NMNAT2: variants seen among roughly 807,000 people sequenced by gnomAD.
NMNAT2 encodes nicotinamide nucleotide adenylyltransferase 2, also known as nicotinamide/nicotinic acid mononucleotide adenylyltransferase 2.
NMNAT2 carries 11 observed loss-of-function variants against 41.6 expected under a neutral mutation model. That is an observed-to-expected ratio of 0.26 (90% CI 0.17 to 0.44). The LOEUF is 0.44. Ranked by LOEUF, NMNAT2 falls within the 20% of genes least tolerant of loss-of-function variation. The probability of loss-of-function intolerance (pLI) is 1.00; values close to 1 mark genes in which losing one functional copy is unlikely to be tolerated. For missense variants in NMNAT2, 288 were observed against 407.7 expected (o/e 0.71, Z 2.53); for synonymous variants, 148 against 151.2 (o/e 0.98, Z 0.16).
chr1:183,323,327 C>T (rs757355443), intron 1 of NMNAT2, among the ~76,000 whole-genome samples: 1 of 152,158 alleles, frequency 6.6e-6, no homozygotes, highest in Non-Finnish European at 1.5e-5. Context: ...CTGCTGAAGC[C>T]AGAAGCCAGG....
intron 1 of NMNAT2, among the ~76,000 whole-genome samples, chr1:183,371,848 T>G (rs1039610635): frequency 1.3e-5 from 2 of 152,140 alleles, no homozygotes; most frequent in Non-Finnish European, 2.9e-5. Flanking sequence ...GTTGCAATCA[T>G]GGCTCACTGC....
At chr1:183,303,201 C>A (rs1661908825) in intron 1 of NMNAT2, among the ~76,000 whole-genome samples, 1 of 152,144 alleles carries the variant, frequency 6.6e-6, no homozygotes, top group Non-Finnish European at 1.5e-5. Context: ...CACCCTCCCC[C>A]ACACAGCCTG....
intron 1 of NMNAT2, among the ~76,000 whole-genome samples, chr1:183,334,054 T>C (rs1469787848): frequency 6.6e-6 from 1 of 152,238 alleles, no homozygotes; most frequent in East Asian, 1.9e-4. Flanking sequence ...ATGTGCACGA[T>C]GCCTCTTCCT....
At chr1:183,277,122 C>T (rs1194600536) in intron 8 of NMNAT2, among the ~76,000 whole-genome samples, 1 of 152,146 alleles carries the variant, frequency 6.6e-6, no homozygotes, top group Non-Finnish European at 1.5e-5. Flanking sequence ...TTTAAGCCTT[C>T]CAAACCCATG....
rs113006665 is a variant in NMNAT2 at position 183,278,763 on chromosome 1, C to T, written c.575-134G>A. The T allele has an allele frequency of 2.3e-3, 1,528 of 676,476 alleles. 20 individuals carry two copies. In the African/African-American group the frequency reaches 0.024, roughly 11 times the overall value. 41.9% of individuals were successfully genotyped at this position (676,476 alleles called of 1,614,324 possible). On this transcript the variant is annotated intron_variant, in intron 7 of 10. Transcript: ENST00000287713. ...TGTGGGGCCCAGTTATCCCAGGTGC[C>T]TCTGCCCCTGAGTGTGTGCAGAGCA...
At chr1:183,397,494 A>G (rs1648681982) in intron 1 of NMNAT2, among the ~76,000 whole-genome samples, 1 of 152,212 alleles carries the variant, frequency 6.6e-6, no homozygotes, top group South Asian at 2.1e-4. Context: ...ACTCTGCAGG[A>G]TATTATCCAG....
chr1:183,338,858 G>C (rs1378633502), intron 1 of NMNAT2, among the ~76,000 whole-genome samples: 1 of 152,172 alleles, frequency 6.6e-6, no homozygotes, highest in Non-Finnish European at 1.5e-5. Context: ...AAACTGTCCT[G>C]TGTCAGGTAA....
chr1:183,348,535 T>C (rs1662980572), intron 1 of NMNAT2, among the ~76,000 whole-genome samples: 1 of 152,108 alleles, frequency 6.6e-6, no homozygotes, highest in South Asian at 2.1e-4. Flanking sequence ...GAGAAGGAGA[T>C]TGGGGGTGTG....
chr1:183,374,385 G>A (rs950123333), intron 1 of NMNAT2, among the ~76,000 whole-genome samples: 17 of 152,132 alleles, frequency 1.1e-4, no homozygotes, highest in Admixed American at 2.0e-4. Context: ...CTTCTACCCC[G>A]TCAAGAAGAG....
intron 7 of NMNAT2, chr1:183,282,898 A>G (rs572135270): frequency 2.0e-5 from 3 of 152,276 alleles, no homozygotes; most frequent in African/African-American, 7.2e-5. Flanking sequence ...TTTTTAATTA[A>G]ATTTAATTTT....
chr1:183,289,707 C>A (rs1661488774), intron 4 of NMNAT2, among the ~76,000 whole-genome samples: 1 of 152,192 alleles, frequency 6.6e-6, no homozygotes, highest in South Asian at 2.1e-4. Context: ...CCAGTGGGGC[C>A]CCCACAGGCT....
chr1:183,376,035 A>T (rs1007382018), intron 1 of NMNAT2, among the ~76,000 whole-genome samples: 1 of 152,218 alleles, frequency 6.6e-6, no homozygotes, highest in Non-Finnish European at 1.5e-5. Context: ...AGGTAAAAAA[A>T]TTAAATTCCC....
chr1:183,418,023 CCT>C (rs897343125), intron 1 of NMNAT2, among the ~76,000 whole-genome samples, 158 bp downstream of exon 1: 2 of 152,218 alleles, frequency 1.3e-5, no homozygotes, highest in African/African-American at 4.8e-5. Flanking sequence ...CGTACCCTCC[CCT>C]GAGTCCAAAA....
rs370909624 is a variant in NMNAT2, at chr1:183,260,996, A to G, written c.821+6T>C. On this transcript the variant is annotated splice_donor_region_variant and intron_variant, in intron 10 of 10. Transcript: ENST00000287713. ...TAAAGTCTCTCTGGCCATTTGTCAA[A>G]CATACCTGCTCTTGGTTGAGCTGAC... The G allele has an allele frequency of 1.7e-5, 28 of 1,611,092 alleles. No homozygotes were observed. The highest frequency in any genetic ancestry group is 2.1e-5 in the Non-Finnish European group (25 of 1,177,384).
intron 1 of NMNAT2, among the ~76,000 whole-genome samples, chr1:183,329,343 A>G (rs182704979): frequency 3.9e-5 from 6 of 152,320 alleles, no homozygotes; most frequent in African/African-American, 1.4e-4. Context: ...ATATCTTAGC[A>G]TTGAGGAAAT....
intron 1 of NMNAT2, among the ~76,000 whole-genome samples, chr1:183,393,546 T>C (rs1414752924): frequency 1.3e-5 from 2 of 152,098 alleles, no homozygotes; most frequent in South Asian, 2.1e-4. Context: ...GAAACTTCAC[T>C]ATCCTAATTT....
intron 8 of NMNAT2, among the ~76,000 whole-genome samples, chr1:183,265,319 T>G (rs1660785649): frequency 7.7e-6 from 1 of 130,106 alleles, no homozygotes; most frequent in African/African-American, 2.9e-5. Context: ...CAGGCTGGAG[T>G]GCAGTGGCGC....
chr1:183,343,767 C>A lies in NMNAT2; in HGVS notation c.86-49974G>T, dbSNP rs912320579. 2.0e-5 allele frequency among the ~76,000 whole-genome samples: 3 copies of A among 152,324 alleles called. No homozygotes were observed. In the South Asian group the frequency reaches 6.2e-4, roughly 32 times the overall value. Reference sequence around the variant, plus strand: ...GATTTATTTTCCCTAATTCACAAGTCTGATCTTGTCACTACTCCTTTTAAA... The same window carrying A: ...GATTTATTTTCCCTAATTCACAAGTATGATCTTGTCACTACTCCTTTTAAA... On this transcript the variant is annotated intron_variant, in intron 1 of 10. Transcript: ENST00000287713.
At chr1:183,255,251 C>T (rs866952613) in intron 10 of NMNAT2, among the ~76,000 whole-genome samples, 8 of 152,104 alleles carry the variant, frequency 5.3e-5, no homozygotes, top group Admixed American at 1.3e-4. Flanking sequence ...TTTCTGGGCT[C>T]ACTATTCGGT....
Sources: allele counts gnomAD v4.1 joint callset (sites outside exome capture counted in the v4.1 genomes callset), GRCh38; gene constraint gnomAD v4.1.1; transcripts MANE v1.5; gene names NCBI Gene and HGNC (gene_info 2026-07-23, HGNC 2026-07-21).